The following SGSM3 variants were observed in gnomAD, a reference collection of about 807,000 sequenced individuals.
The protein encoded by SGSM3 is small G protein signaling modulator 3.
In SGSM3, 96 loss-of-function variants were observed where a neutral mutation model predicts 100.5. That is an observed-to-expected ratio of 0.96 (90% CI 0.81 to 1.13). The LOEUF is 1.13. Among genes scored for constraint, SGSM3 ranks in the 50% most tolerant of loss-of-function variants. SGSM3 has a pLI of 0.00. For missense variants in SGSM3, 1,001 were observed against 1,015.8 expected (o/e 0.99, Z 0.20); for synonymous variants, 483 against 422.8 (o/e 1.14, Z -1.75).
intron 10 of SGSM3, 132 bp from the exon 11 acceptor site, chr22:40,406,885 C>G: frequency 9.7e-7 from 1 of 1,029,446 alleles, no homozygotes; most frequent in Non-Finnish European, 1.5e-6. Flanking sequence ...GCAGACCCAG[C>G]TCTGATTATC....
At position 40,408,641 on chromosome 22, in the gene SGSM3, G is replaced by T; in HGVS notation, c.1797G>T (p.Glu599Asp). The T allele has an allele frequency of 6.2e-7, 1 of 1,613,994 alleles. No homozygotes were observed. Among genetic ancestry groups the T allele is most frequent in the Non-Finnish European group, 8.5e-7 (1 of 1,180,028 alleles). Residue 599 changes from glutamate (E) to aspartate (D), a missense_variant, in exon 17 of 22, where the codon GAG becomes GAT. Coordinates refer to ENST00000248929, the MANE Select transcript of SGSM3 (RefSeq NM_015705.6). ...TGTCCCCACAGGCTGCAGGCCGGGA[G>T]GTCGAGAGAGACTTTGCCTCCGTGT... is the stretch of plus-strand genomic sequence containing the variant. ...WLFIEEAAGR[E>D]VERDFASVYS...
chr22:40,409,519 G>A lies in SGSM3; in HGVS notation c.2166G>A (p.Lys722=). The A allele has an allele frequency of 6.3e-7, 1 of 1,599,618 alleles. No homozygotes were observed. The highest frequency in any genetic ancestry group is 8.5e-7 in the Non-Finnish European group (1 of 1,173,110). ...SLSQDWELPA[K]REAQQPLKEG... ...CCCAGGACTGGGAGCTCCCTGCGAA[G>A]AGAGAGGTGGGTGGTGTGGGCCTCG... Residue 722 remains lysine, a synonymous_variant, in exon 21 of 22, where the codon AAG becomes AAA. Transcript: ENST00000248929.
chr22:40,401,407 C>G (rs2050743005), intron 2 of SGSM3, among the ~76,000 whole-genome samples, 186 bp from the exon 3 acceptor site: 1 of 152,160 alleles, frequency 6.6e-6, no homozygotes, highest in Non-Finnish European at 1.5e-5. Flanking sequence ...GCCACCACGC[C>G]CAGCTAATTT....
chr22:40,409,585 G>A, intron 21 of SGSM3, 60 bp downstream of exon 21: 2 of 1,613,322 alleles, frequency 1.2e-6, no homozygotes, highest in Non-Finnish European at 1.7e-6. Context: ...CGTTCGCGGG[G>A]TGGCTAAGGT....
Position 40,407,745 on chromosome 22 carries a change from C to T in SGSM3, c.1525-44C>T. The T allele has an allele frequency of 3.1e-6, 5 of 1,608,988 alleles. No homozygotes were observed. The highest frequency in any genetic ancestry group is 4.3e-6 in the Non-Finnish European group (5 of 1,175,424). On this transcript the variant is annotated intron_variant, in intron 13 of 21. Coordinates refer to ENST00000248929, the MANE Select transcript of SGSM3 (RefSeq NM_015705.6). This position sits in a 1 kb window ranked among gnomAD's most constrained non-coding sequence, Gnocchi z 4.7. ...ATCGGGGGTGCAGGAGGCGCTGGCC[C>T]AGGGCACCCAGCTTTGGTTCCTGCT... is the stretch of plus-strand genomic sequence containing the variant.
chr22:40,410,083 A>C lies in SGSM3; in HGVS notation c.*324A>C. 8.2e-7 allele frequency: 1 copy of C among 1,221,872 alleles called. No homozygotes were observed. 75.7% of individuals were successfully genotyped at this position (1,221,872 alleles called of 1,614,324 possible). A position where few individuals can be genotyped will look rare whatever the true frequency, so the allele number is the denominator to read the frequency against. ...AGGCTCCTGGCCTCTTTGGTTTATA[A>C]ATAAACTGTGTCTGTCTTTGAGAAA... On this transcript the variant is annotated 3_prime_UTR_variant, in exon 22 of 22. Transcript: ENST00000248929.
chr22:40,405,422 G>A, intron 7 of SGSM3, 138 bp downstream of exon 7: 1 of 945,562 alleles, frequency 1.1e-6, no homozygotes, highest in South Asian at 1.9e-5. Context: ...TCCCACTCCG[G>A]GGCGTCCCCA....
At chr22:40,380,258 C>T (rs904708296) in intron 1 of SGSM3, among the ~76,000 whole-genome samples, 1 of 151,974 alleles carries the variant, frequency 6.6e-6, no homozygotes, top group Non-Finnish European at 1.5e-5. Context: ...AGTAATTACA[C>T]TTATCTGCAC....
intron 1 of SGSM3, chr22:40,388,048 A>C (rs1569162097): frequency 6.6e-6 from 1 of 152,224 alleles, no homozygotes; most frequent in Non-Finnish European, 1.5e-5. Flanking sequence ...TATCTCTGTC[A>C]CAAAGAAAAT....
At position 40,400,815 on chromosome 22, in the gene SGSM3, T is replaced by C; in HGVS notation, c.7+2T>C. ...GCCAGCCCACCAGCACAATGTCAGG[T>C]AGAGGCAGGGGCTGGACTTGGAAAC... On this transcript the variant is annotated splice_donor_variant, in intron 2 of 21. Transcript: ENST00000248929. LOFTEE classifies it high-confidence loss of function. The C allele has an allele frequency of 6.5e-7, 1 of 1,544,352 alleles. No homozygotes were observed. The highest frequency in any genetic ancestry group is 8.7e-7 in the Non-Finnish European group (1 of 1,144,612).
chr22:40,374,103 C>T (rs9607710), intron 1 of SGSM3, among the ~76,000 whole-genome samples: 38 of 152,158 alleles, frequency 2.5e-4, no homozygotes, highest in Non-Finnish European at 5.3e-4. Flanking sequence ...CAGGCGCCTG[C>T]CACCATGCCC....
chr22:40,393,991 G>A (rs1601938119), intron 1 of SGSM3, among the ~76,000 whole-genome samples: 1 of 152,234 alleles, frequency 6.6e-6, no homozygotes. Flanking sequence ...CACACTATTC[G>A]TTTTCCTTCT....
At position 40,405,204 on chromosome 22, in the gene SGSM3, G is replaced by T. The variant is rs746644745; in HGVS notation, c.538G>T (p.Gly180Trp). Reference sequence around the variant, plus strand: ...CTGCTTCGCCAGCATGGGTAGCATCGGGGTGCCCCGCCTGCGCAGGGTGCT... The same window carrying T: ...CTGCTTCGCCAGCATGGGTAGCATCTGGGTGCCCCGCCTGCGCAGGGTGCT... ...NACFASMGSI[G>W]VPRLRRVLRA... is the part of the protein sequence containing the mutation. The change falls in exon 7 of 22, where the codon GGG (glycine) becomes TGG (tryptophan). Residue 180 changes from glycine to tryptophan, a missense_variant. Gly to Trp is a radical substitution (Grantham distance 184). Coordinates refer to ENST00000248929, the MANE Select transcript of SGSM3 (RefSeq NM_015705.6). 2 of 1,585,296 alleles carry T rather than the reference G, an allele frequency of 1.3e-6. No homozygotes were observed. The highest frequency in any genetic ancestry group is 1.7e-6 in the Non-Finnish European group (2 of 1,164,886).
chr22:40,376,735 G>A (rs1051404387), intron 1 of SGSM3, among the ~76,000 whole-genome samples: 7 of 151,956 alleles, frequency 4.6e-5, no homozygotes, highest in African/African-American at 7.3e-5. Context: ...TTAGAACTTA[G>A]TCTGACTCTA....
chr22:40,380,364 A>ATTT (rs555526386), intron 1 of SGSM3, among the ~76,000 whole-genome samples: 9 of 134,252 alleles, frequency 6.7e-5, no homozygotes, highest in African/African-American at 1.7e-4. Flanking sequence ...AATATCTATA[A>ATTT]TTTTTTTTTT....
chr22:40,404,652 C>A lies in SGSM3; in HGVS notation c.462C>A (p.Ile154=). ...AGAACAGCTCCAACGATGAGACCATCGCTGCCAAGCAGGTGAGGCCGGTGG... is the reference window on the plus strand; with the variant it reads ...AGAACAGCTCCAACGATGAGACCATAGCTGCCAAGCAGGTGAGGCCGGTGG... ...IVKNSSNDET[I]AAKQIEKDLL... The change falls in exon 6 of 22, where the codon ATC becomes ATA. Residue 154 remains isoleucine (I), a synonymous_variant. Transcript: ENST00000248929. The A allele has an allele frequency of 1.2e-6, 2 of 1,611,130 alleles. No individual in the cohort carries two copies. The highest frequency in any genetic ancestry group is 1.1e-5 in the South Asian group (1 of 90,768).
intron 9 of SGSM3, 37 bp from the exon 10 acceptor site, chr22:40,406,401 C>T (rs943233882): frequency 6.6e-7 from 1 of 1,526,618 alleles, no homozygotes; most frequent in Non-Finnish European, 8.8e-7. Context: ...CCTGCAATGA[C>T]AACCTTCTTC....
chr22:40,405,240 G>T lies in SGSM3; in HGVS notation c.574G>T (p.Ala192Ser). 1 of 1,566,708 alleles carries T rather than the reference G, an allele frequency of 6.4e-7. No homozygotes were observed. Among genetic ancestry groups the T allele is most frequent in the Non-Finnish European group, 8.6e-7 (1 of 1,156,332 alleles). The change falls in exon 7 of 22, where the codon GCC becomes TCC. Residue 192 changes from alanine (A) to serine (S), a missense_variant. Ala to Ser is a moderately conservative substitution (Grantham distance 99, BLOSUM62 1). Transcript: ENST00000248929. ...PRLRRVLRAL[A>S]WLYPEIGYCQ... The stretch of plus-strand genomic sequence containing the variant: ...CCTGCGCAGGGTGCTCCGGGCCCTG[G>T]CCTGGCTCTACCCAGAGATCGGCTA...
intron 10 of SGSM3, 39 bp from the exon 11 acceptor site, chr22:40,406,978 C>T (rs572888135): frequency 2.0e-5 from 31 of 1,550,484 alleles, no homozygotes; most frequent in South Asian, 5.9e-5. Context: ...CTCTTCCTCC[C>T]GGGGCCAGGA....
Sources: gnomAD v4.1 joint callset for allele counts (sites outside exome capture counted in the v4.1 genomes callset) on GRCh38, gnomAD v4.1.1 for gene constraint, Gnocchi (gnomAD v3.1) non-coding constraint, MANE v1.5 for transcripts, NCBI Gene and HGNC (gene_info 2026-07-23, HGNC 2026-07-21) for gene names.